Variants in NUP214 observed in about 807,000 individuals in gnomAD.
NUP214 encodes nuclear pore complex protein Nup214.
In NUP214, 79 loss-of-function variants were observed where a neutral mutation model predicts 196.2. That is an observed-to-expected ratio of 0.40 (90% CI 0.34 to 0.49). The LOEUF (loss-of-function observed/expected upper bound fraction) is 0.49. NUP214 is among the 20% of genes least tolerant of loss of function. The pLI, the probability that NUP214 is intolerant of heterozygous loss-of-function variation, is 0.58. For missense variants in NUP214, 2,468 were observed against 2,539.0 expected (o/e 0.97, Z 0.60); for synonymous variants, 1,020 against 990.5 (o/e 1.03, Z -0.56).
intron 28 of NUP214, 130 bp from the exon 29 acceptor site, chr9:131,197,086 T>A: frequency 7.9e-7 from 1 of 1,263,234 alleles, no homozygotes; most frequent in Non-Finnish European, 1.1e-6. Context: ...AGAAAGCTGC[T>A]GTGAGAACAA....
At chr9:131,199,059 T>C in intron 29 of NUP214, 44 bp downstream of exon 29, 1 of 1,532,808 alleles carries the variant, frequency 6.5e-7, no homozygotes, top group African/African-American at 1.4e-5. Flanking sequence ...CTCTCTGCTA[T>C]TTGAAACATT....
chr9:131,229,910 CCCAGAAA>C (rs1834829893), intron 33 of NUP214: 3 of 385,824 alleles, frequency 7.8e-6, no homozygotes, highest in Non-Finnish European at 1.5e-5. Flanking sequence ...TGCCCCTTCT[CCCAGAAA>C]CCACTGATCC....
chr9:131,226,450 C>T (rs189356455), intron 32 of NUP214, among the ~76,000 whole-genome samples: 3 of 152,166 alleles, frequency 2.0e-5, no homozygotes, highest in African/African-American at 4.8e-5. Flanking sequence ...CACCCCTCCC[C>T]TGTCCAGTTT....
rs779234896 is a variant in NUP214, at chr9:131,195,265, C to T, written c.3692C>T (p.Thr1231Ile). 13 of 1,613,486 alleles carry T rather than the reference C, an allele frequency of 8.1e-6. No individual in the cohort carries two copies. Among genetic ancestry groups the T allele is most frequent in the Admixed American group, 3.3e-5 (2 of 59,972 alleles). The change falls in exon 28 of 36, where the codon ACA becomes ATA. Residue 1231 changes from threonine to isoleucine, a missense_variant. Around this residue, in one of 5 missense-constraint regions of NUP214, gnomAD observed 1,801 missense variants for 1,779.4 expected, o/e 1.01. Transcript: ENST00000359428. ...TGFNFGIITP[T>I]PSSNFTAAQG... Reference sequence around the variant, plus strand: ...TTTAATTTTGGGATAATCACACCAACACCGTCTTCTAATTTCACTGCTGCA... The same window carrying T: ...TTTAATTTTGGGATAATCACACCAATACCGTCTTCTAATTTCACTGCTGCA...
chr9:131,219,442 C>T (rs1458687276), intron 31 of NUP214, among the ~76,000 whole-genome samples: 1 of 152,228 alleles, frequency 6.6e-6, no homozygotes, highest in East Asian at 1.9e-4. Context: ...AAACTGCCCA[C>T]TTTACCCCTG....
intron 10 of NUP214, 148 bp from the exon 11 acceptor site, chr9:131,140,401 G>C (rs17147620): frequency 0.045 from 28,231 of 631,898 alleles, 925 homozygotes; most frequent in Admixed American, 0.12. Flanking sequence ...ACGAAAGGCT[G>C]TTCAGATATA....
intron 28 of NUP214, among the ~76,000 whole-genome samples, chr9:131,196,651 G>C (rs1833799036): frequency 6.6e-6 from 1 of 152,208 alleles, no homozygotes; most frequent in Non-Finnish European, 1.5e-5. Context: ...GCGAGTGGCA[G>C]AGTGCATAGC....
chr9:131,202,605 T>G (rs1833970205), intron 30 of NUP214, among the ~76,000 whole-genome samples: 1 of 151,780 alleles, frequency 6.6e-6, no homozygotes, highest in Non-Finnish European at 1.5e-5. Context: ...TTTTTTCTTT[T>G]TGTGTTTTTG....
At chr9:131,132,227 C>G (rs1330308645) in intron 5 of NUP214, among the ~76,000 whole-genome samples, 1 of 143,526 alleles carries the variant, frequency 7.0e-6, no homozygotes, top group African/African-American at 2.6e-5. Flanking sequence ...TCAAGCAGTT[C>G]TCCTGCCTCA....
chr9:131,143,200 G>A (rs1268682596), intron 11 of NUP214, among the ~76,000 whole-genome samples: 1 of 151,866 alleles, frequency 6.6e-6, no homozygotes, highest in Non-Finnish European at 1.5e-5. Context: ...GTAGCAACAG[G>A]GTCTCACTTT....
chr9:131,142,335 A>G (rs1831942885), intron 11 of NUP214, among the ~76,000 whole-genome samples: 1 of 152,218 alleles, frequency 6.6e-6, no homozygotes, highest in Admixed American at 6.5e-5. Context: ...AGCCTTTCCT[A>G]GAGAAACTCC....
intron 14 of NUP214, among the ~76,000 whole-genome samples, chr9:131,149,555 T>C (rs1455075984): frequency 6.6e-6 from 1 of 151,522 alleles, no homozygotes; most frequent in Non-Finnish European, 1.5e-5. Flanking sequence ...AGCCCACAGC[T>C]CTGTCCCCCT....
At chr9:131,154,637 G>A (rs550694812) in intron 17 of NUP214, among the ~76,000 whole-genome samples, 22 of 152,178 alleles carry the variant, frequency 1.4e-4, no homozygotes, top group Non-Finnish European at 2.8e-4. Flanking sequence ...GTGAGCCACC[G>A]CGCCTGTTCC....
chr9:131,206,687 C>T (rs1283734053), intron 30 of NUP214, among the ~76,000 whole-genome samples: 6 of 152,092 alleles, frequency 3.9e-5, no homozygotes, highest in African/African-American at 1.4e-4. Flanking sequence ...AGTGATCCTC[C>T]CACCTGGACC....
intron 30 of NUP214, among the ~76,000 whole-genome samples, chr9:131,203,152 A>G (rs1588164986): frequency 6.6e-6 from 1 of 151,324 alleles, no homozygotes. Flanking sequence ...TCGCTGTGTT[A>G]GCCAGGATGG....
chr9:131,201,328 G>A (rs1012331172), intron 29 of NUP214, among the ~76,000 whole-genome samples: 9 of 151,458 alleles, frequency 5.9e-5, no homozygotes, highest in African/African-American at 2.2e-4. Context: ...TTAGCTGGGC[G>A]TTGGGAGGCG....
chr9:131,139,493 G>C lies in NUP214; in HGVS notation c.1132+86G>C, dbSNP rs537307954. ...AAACACCAGTTACATGTTACTGACA[G>C]AGTCTACTCTGCTGGGCACTTGTAG... On this transcript the variant is annotated intron_variant, in intron 10 of 35. Coordinates refer to ENST00000359428, the MANE Select transcript of NUP214 (RefSeq NM_005085.4). The C allele has an allele frequency of 3.9e-6, 6 of 1,553,600 alleles. No individual in the cohort carries two copies. The African/African-American group carries it at 7.0e-5, about 18-fold the overall frequency.
chr9:131,154,569 A>T (rs1471638135), intron 17 of NUP214, among the ~76,000 whole-genome samples: 1 of 151,390 alleles, frequency 6.6e-6, no homozygotes, highest in Admixed American at 6.6e-5. Context: ...CTGGTCTTGA[A>T]CTCCTGACTT....
chr9:131,138,496 G>T (rs1831808664), intron 9 of NUP214, among the ~76,000 whole-genome samples: 1 of 152,178 alleles, frequency 6.6e-6, no homozygotes, highest in African/African-American at 2.4e-5. Context: ...GGGATTACAG[G>T]CATGAACCAC....
Sources: gnomAD v4.1 joint callset for allele counts (sites outside exome capture counted in the v4.1 genomes callset) on GRCh38, gnomAD v4.1.1 for gene constraint, gnomAD v4.1.1 regional missense constraint, MANE v1.5 for transcripts, NCBI Gene and HGNC (gene_info 2026-07-23, HGNC 2026-07-21) for gene names.